TMPRSS4: variants seen among roughly 807,000 people sequenced by gnomAD.
TMPRSS4 encodes the protein transmembrane serine protease 4.
Under a neutral mutation model 56.4 loss-of-function variants are expected in TMPRSS4, and 45 were observed. That is an observed-to-expected ratio of 0.80 (90% CI 0.63 to 1.02). TMPRSS4 has a LOEUF of 1.02. TMPRSS4 is among the 50% of genes least tolerant of loss of function. The pLI, the probability that TMPRSS4 is intolerant of heterozygous loss-of-function variation, is 0.00. For synonymous variants in TMPRSS4, 205 were observed against 211.0 expected (o/e 0.97, Z 0.25); for missense variants, 546 against 556.7 (o/e 0.98, Z 0.19).
chr11:118,090,792 T>A (rs1344770990), intron 1 of TMPRSS4, among the ~76,000 whole-genome samples: 1 of 148,928 alleles, frequency 6.7e-6, no homozygotes, highest in Non-Finnish European at 1.5e-5. Context: ...TCTTTCTTTC[T>A]CTCTCACTCT....
chr11:118,091,449 C>G (rs1286898414), intron 1 of TMPRSS4, among the ~76,000 whole-genome samples: 1 of 152,152 alleles, frequency 6.6e-6, no homozygotes, highest in East Asian at 1.9e-4. Context: ...GGATTACTCC[C>G]TGCATAGCAC....
In TMPRSS4 at chr11:118,117,387, G is replaced by A. The variant is rs769911991; in HGVS notation, c.1235G>A (p.Gly412Asp). The change falls in exon 12 of 13, where the codon GGC becomes GAC. Residue 412 changes from glycine (G) to aspartate (D), a missense_variant. Gly to Asp is a moderately conservative substitution (Grantham distance 94). Transcript: ENST00000437212. Reference protein sequence around the residue: ...GIVSWGYGCGGPSTPGVYTKV... With the variant: ...GIVSWGYGCGDPSTPGVYTKV... ...GTTAGTTGGGGCTATGGCTGCGGGGGCCCGAGCACCCCAGGAGTATACACC... is the reference window on the plus strand; with the variant it reads ...GTTAGTTGGGGCTATGGCTGCGGGGACCCGAGCACCCCAGGAGTATACACC... The A allele has an allele frequency of 1.9e-6, 3 of 1,614,088 alleles. No individual in the cohort carries two copies. Among genetic ancestry groups the A allele is most frequent in the Non-Finnish European group, 8.5e-7 (1 of 1,179,994 alleles).
chr11:118,111,821 A>G lies in TMPRSS4; in HGVS notation c.664A>G (p.Ile222Val). 1 of 1,606,762 alleles carries G rather than the reference A, an allele frequency of 6.2e-7. No individual in the cohort carries two copies. Among genetic ancestry groups the G allele is most frequent in the Non-Finnish European group, 8.5e-7 (1 of 1,176,968 alleles). Residue 222 changes from isoleucine to valine, a missense_variant, in exon 8 of 13, where the codon ATC (isoleucine) becomes GTC (valine). Ile to Val is a conservative substitution (Grantham distance 29). Transcript: ENST00000437212. ...GGATTCTTGGCCTTGGCAGGTCAGC[A>G]TCCAGTACGACAAACAGCACGTCTG... is the stretch of plus-strand genomic sequence containing the variant. ...SVDSWPWQVS[I>V]QYDKQHVCGG...
rs1947692930 is a variant in TMPRSS4 at position 118,118,824 on chromosome 11, G to A, written c.*911G>A. 1.0e-6 allele frequency: 1 copy of A among 985,428 alleles called. No homozygotes were observed. 61.0% of individuals were successfully genotyped at this position (985,428 alleles called of 1,614,324 possible). A position where few individuals can be genotyped will look rare whatever the true frequency, so the allele number is the denominator to read the frequency against. On this transcript the variant is annotated 3_prime_UTR_variant, in exon 13 of 13. Transcript: ENST00000437212. ...GGCTGGAAAGAAATGCTGGTCCTGT[G>A]TCCTAACTTTTTCCGCCTGGAGAGC...
intron 3 of TMPRSS4, among the ~76,000 whole-genome samples, chr11:118,100,010 T>C (rs1045863513): frequency 6.6e-6 from 1 of 152,170 alleles, no homozygotes; most frequent in Non-Finnish European, 1.5e-5. Flanking sequence ...AGCAGGTTAC[T>C]GACCACAACT....
chr11:118,099,606 C>A (rs10502230), intron 3 of TMPRSS4, among the ~76,000 whole-genome samples: 2,119 of 152,298 alleles, frequency 0.014, 50 homozygotes, highest in African/African-American at 0.047. Context: ...CAGGTGACTT[C>A]TTCTAGAGGG....
chr11:118,108,648 G>T, intron 6 of TMPRSS4: 1 of 600,390 alleles, frequency 1.7e-6, no homozygotes, highest in Non-Finnish European at 3.0e-6. Flanking sequence ...GTACTCAGCA[G>T]TGGGGGTGTT....
chr11:118,079,647 C>T (rs538362796), intron 1 of TMPRSS4, among the ~76,000 whole-genome samples: 65 of 152,348 alleles, frequency 4.3e-4, no homozygotes, highest in Non-Finnish European at 4.1e-4. Context: ...AACCCCCTGA[C>T]GCTTCCGGCT....
intron 1 of TMPRSS4, among the ~76,000 whole-genome samples, chr11:118,090,316 A>G (rs1945851438): frequency 6.6e-6 from 1 of 152,030 alleles, no homozygotes; most frequent in Non-Finnish European, 1.5e-5. Context: ...CTCATTATGT[A>G]CTGTGCATTG....
Position 118,078,394 on chromosome 11 carries a change from G to T in TMPRSS4, c.3+1089G>T, listed in dbSNP as rs115714528. Among the ~76,000 whole-genome samples, 44 of 152,284 alleles carry T rather than the reference G, an allele frequency of 2.9e-4. 3 individuals carry two copies. The East Asian group carries it at 5.2e-3, about 18-fold the overall frequency. ...AGGGGGAAGGGTGTGACCTGCAGGGGCCCCTCGAGTGATTGTCTCCTATTC... is the reference window on the plus strand; with the variant it reads ...AGGGGGAAGGGTGTGACCTGCAGGGTCCCCTCGAGTGATTGTCTCCTATTC... On this transcript the variant is annotated intron_variant, in intron 1 of 12. Coordinates refer to ENST00000437212, the MANE Select transcript of TMPRSS4 (RefSeq NM_019894.4).
Position 118,118,902 on chromosome 11 carries a change from T to C in TMPRSS4, c.*989T>C. On this transcript the variant is annotated 3_prime_UTR_variant, in exon 13 of 13. Transcript: ENST00000437212. ...AACAAAAAGGATCAGCTGCCAGGTGTGAGGCAGTCCCCAAGCTGAGTTGTG... is the reference window on the plus strand; with the variant it reads ...AACAAAAAGGATCAGCTGCCAGGTGCGAGGCAGTCCCCAAGCTGAGTTGTG... 1 of 985,392 alleles carries C rather than the reference T, an allele frequency of 1.0e-6. No individual in the cohort carries two copies. The allele number at this position is 985,392 out of a possible 1,614,324, so 61.0% of individuals were successfully genotyped here. A position where few individuals can be genotyped will look rare whatever the true frequency, so the allele number is the denominator to read the frequency against.
chr11:118,113,820 T>C (rs1454759746), intron 9 of TMPRSS4, among the ~76,000 whole-genome samples: 1 of 152,192 alleles, frequency 6.6e-6, no homozygotes, highest in African/African-American at 2.4e-5. Flanking sequence ...GTGCCCCTGT[T>C]TGCTCTCCTC....
intron 1 of TMPRSS4, among the ~76,000 whole-genome samples, chr11:118,077,844 C>G (rs1222645216): frequency 6.6e-6 from 1 of 151,616 alleles, no homozygotes; most frequent in Non-Finnish European, 1.5e-5. Context: ...AAACCCCATC[C>G]GTACTAAAAA....
At chr11:118,096,684 G>A (rs1157480718) in intron 2 of TMPRSS4, among the ~76,000 whole-genome samples, 1 of 151,648 alleles carries the variant, frequency 6.6e-6, no homozygotes, top group Non-Finnish European at 1.5e-5. Context: ...TACTTGGGAG[G>A]ATAAGGTAAA....
In TMPRSS4 at chr11:118,094,047, G is replaced by A. The variant is rs138303206; in HGVS notation, c.4-769G>A. 1.8e-4 allele frequency among the ~76,000 whole-genome samples: 27 copies of A among 152,242 alleles called. No homozygotes were observed. In the East Asian group the frequency reaches 3.5e-3, roughly 20 times the overall value. ...TTTATCCACTCTACCAGTGACTGAC[G>A]TTTGGGTTTTTCCAATGTTTAGCTA... On this transcript the variant is annotated intron_variant, in intron 1 of 12. Transcript: ENST00000437212.
intron 1 of TMPRSS4, among the ~76,000 whole-genome samples, chr11:118,079,533 A>T (rs1944965913): frequency 1.3e-5 from 2 of 152,142 alleles, no homozygotes; most frequent in Admixed American, 1.3e-4. Context: ...GCCTGGAGGG[A>T]AGTCAGGGAC....
At chr11:118,096,949 AGGAAGGAAAGAAAGAAAG>A (rs1946384198) in intron 2 of TMPRSS4, among the ~76,000 whole-genome samples, 1 of 89,088 alleles carries the variant, frequency 1.1e-5, no homozygotes, top group African/African-American at 3.4e-5. Flanking sequence ...AAAGAAAGAA[AGGAAGGAAAGAAAGAAAG>A]GAAAGAAAGA....
At position 118,077,387 on chromosome 11, in the gene TMPRSS4, A is replaced by G. The variant is rs370372265; in HGVS notation, c.3+82A>G. 15 of 1,463,698 alleles carry G rather than the reference A, an allele frequency of 1.0e-5. No individual in the cohort carries two copies. In the African/African-American group the frequency reaches 1.9e-4, roughly 18 times the overall value. The allele number at this position is 1,463,698 out of a possible 1,614,324, so 90.7% of individuals were successfully genotyped here. A position where few individuals can be genotyped will look rare whatever the true frequency, so the allele number is the denominator to read the frequency against. On this transcript the variant is annotated intron_variant, in intron 1 of 12. Transcript: ENST00000437212. The stretch of plus-strand genomic sequence containing the variant: ...GGCCCTTCAAGCAGCCTGAGCATCC[A>G]TCAGCTGAGAATTCTGTGACACCTT...
intron 8 of TMPRSS4, among the ~76,000 whole-genome samples, chr11:118,112,949 G>A (rs1260903119): frequency 6.6e-6 from 1 of 151,344 alleles, no homozygotes; most frequent in Non-Finnish European, 1.5e-5. Flanking sequence ...CTGACAGCAT[G>A]AGTAACACAG....
Sources: gnomAD v4.1 joint callset for allele counts (sites outside exome capture counted in the v4.1 genomes callset) on GRCh38, gnomAD v4.1.1 for gene constraint, MANE v1.5 for transcripts, NCBI Gene and HGNC (gene_info 2026-07-23, HGNC 2026-07-21) for gene names.